The following AGO3 variants were observed in gnomAD, a reference collection of about 807,000 sequenced individuals.
The protein encoded by AGO3 is argonaute RISC catalytic component 3.
AGO3 carries 16 observed loss-of-function variants against 105.5 expected under a neutral mutation model. That is an observed-to-expected ratio of 0.15 (90% CI 0.10 to 0.23). The LOEUF is 0.23. Ranked by LOEUF, AGO3 falls within the 10% of genes least tolerant of loss-of-function variation. The pLI is 1.00. For missense variants in AGO3, 534 were observed against 1,088.0 expected, an observed-to-expected ratio of 0.49 and a Z score of 7.16; for synonymous variants, 340 against 367.3, an observed-to-expected ratio of 0.93 and a Z score of 0.85.
At chr1:36,011,621 C>CT (rs910890259) in intron 9 of AGO3, among the ~76,000 whole-genome samples, 2 of 152,146 alleles carry the variant, frequency 1.3e-5, no homozygotes, top group Non-Finnish European at 2.9e-5. Flanking sequence ...ACTTTGGAGT[C>CT]TAACAACCCT....
chr1:36,045,823 A>C (rs926839867), intron 17 of AGO3, among the ~76,000 whole-genome samples: 1 of 152,180 alleles, frequency 6.6e-6, no homozygotes, highest in Non-Finnish European at 1.5e-5. Context: ...GATTGTAGGC[A>C]TGAATCACTG....
At chr1:36,054,893 C>T (rs1285829565) in intron 17 of AGO3, 53 bp from the exon 18 acceptor site, 7 of 1,567,580 alleles carry the variant, frequency 4.5e-6, no homozygotes, top group South Asian at 1.1e-5. Context: ...AAAAACAAAA[C>T]AAAACAAAAA....
chr1:35,964,834 T>C (rs1646744070), intron 2 of AGO3, among the ~76,000 whole-genome samples: 2 of 152,202 alleles, frequency 1.3e-5, no homozygotes, highest in South Asian at 4.1e-4. Flanking sequence ...TGGCATGAGA[T>C]GGTATCTCAT....
At chr1:35,968,948 G>T (rs1490928085) in intron 3 of AGO3, among the ~76,000 whole-genome samples, 1 of 151,536 alleles carries the variant, frequency 6.6e-6, no homozygotes, top group Non-Finnish European at 1.5e-5. Context: ...CCTAATGGGC[G>T]TGAGATGATA....
intron 2 of AGO3, among the ~76,000 whole-genome samples, chr1:35,960,518 A>G (rs556505996): frequency 1.3e-5 from 2 of 152,166 alleles, no homozygotes; most frequent in Admixed American, 1.3e-4. Flanking sequence ...TTCTAAATAT[A>G]TGAATTTGGC....
Position 35,986,620 on chromosome 1 carries a change from G to A in AGO3, c.658+13109G>A, listed in dbSNP as rs556212762. Among the ~76,000 whole-genome samples, 27 of 151,922 alleles carry A rather than the reference G, an allele frequency of 1.8e-4. No homozygotes were observed. The South Asian group carries it at 2.9e-3, about 16-fold the overall frequency. On this transcript the variant is annotated intron_variant, in intron 5 of 18. Transcript: ENST00000373191. ...TGAGAATCACTTGAACCCAGGAGGT[G>A]GAGGTTGCAGTGAGCTGAGATCACA... is the stretch of plus-strand genomic sequence containing the variant.
chr1:35,971,971 A>G, intron 3 of AGO3, 53 bp from the exon 4 acceptor site: 1 of 1,490,768 alleles, frequency 6.7e-7, no homozygotes, highest in Non-Finnish European at 9.3e-7. Flanking sequence ...AATCTAAAAT[A>G]ATTGTATTTA....
intron 11 of AGO3, among the ~76,000 whole-genome samples, chr1:36,014,702 C>T (rs996731391): frequency 2.8e-5 from 4 of 141,434 alleles, no homozygotes; most frequent in Admixed American, 7.6e-5. Flanking sequence ...ACCCAGGAGG[C>T]GGAGCTTGTA....
intron 9 of AGO3, 60 bp from the exon 10 acceptor site, chr1:36,013,570 C>T (rs1221636638): frequency 6.2e-7 from 1 of 1,600,920 alleles, no homozygotes; most frequent in African/African-American, 1.3e-5. Flanking sequence ...GGTTCTAATG[C>T]ATTAAAGTAG....
chr1:35,969,245 A>G (rs1170840588), intron 3 of AGO3, among the ~76,000 whole-genome samples: 1 of 152,132 alleles, frequency 6.6e-6, no homozygotes, highest in Non-Finnish European at 1.5e-5. Flanking sequence ...AACTATATAT[A>G]TTCTGGACAT....
At chr1:35,938,085 A>G (rs151191919) in intron 1 of AGO3, among the ~76,000 whole-genome samples, 2 of 151,650 alleles carry the variant, frequency 1.3e-5, no homozygotes, top group East Asian at 3.9e-4. Context: ...GGCTCAAGCA[A>G]TTATCCTGCC....
intron 14 of AGO3, 51 bp downstream of exon 14, chr1:36,036,318 T>C: frequency 6.6e-7 from 1 of 1,519,194 alleles, no homozygotes; most frequent in South Asian, 1.2e-5. Context: ...CCAGTATCAA[T>C]TTTGCAGTTT....
intron 2 of AGO3, among the ~76,000 whole-genome samples, chr1:35,954,284 A>G (rs1646525371): frequency 6.6e-6 from 1 of 152,092 alleles, no homozygotes; most frequent in Non-Finnish European, 1.5e-5. Flanking sequence ...TACTAAGTAG[A>G]AATTAGCCTT....
At chr1:36,053,246 C>CTT (rs746106504) in intron 17 of AGO3, among the ~76,000 whole-genome samples, 1 of 145,112 alleles carries the variant, frequency 6.9e-6, no homozygotes, top group Non-Finnish European at 1.5e-5. Context: ...AACAGTTTTC[C>CTT]TTTTTTTTTT....
intron 5 of AGO3, among the ~76,000 whole-genome samples, chr1:36,000,144 T>C (rs1032468497): frequency 5.3e-5 from 8 of 152,186 alleles, no homozygotes; most frequent in African/African-American, 1.9e-4. Context: ...ATTTTTAAAA[T>C]GTTAAATGTA....
Position 35,984,762 on chromosome 1 carries a change from T to C in AGO3, c.658+11251T>C, listed in dbSNP as rs564489159. ...GAATGAATAAATAAATCCAAGAGCA[T>C]AGGAGGAGGAGCATCCAAATGAGCC... On this transcript the variant is annotated intron_variant, in intron 5 of 18. Coordinates refer to ENST00000373191, the MANE Select transcript of AGO3 (RefSeq NM_024852.4). Among the ~76,000 whole-genome samples the C allele has an allele frequency of 6.4e-4, 97 of 152,272 alleles. 1 individual carries two copies. The highest frequency in any genetic ancestry group is 2.9e-5 in the Non-Finnish European group (2 of 68,014).
intron 5 of AGO3, among the ~76,000 whole-genome samples, chr1:35,995,209 A>AAAAATATATATATATATATAT (rs1237315557): frequency 8.7e-6 from 1 of 114,790 alleles, no homozygotes; most frequent in African/African-American, 3.8e-5. Context: ...TAAAAAAAAA[A>AAAAATATATATATATATATAT]ATATATATAT....
intron 17 of AGO3, 134 bp from the exon 18 acceptor site, chr1:36,054,812 G>A (rs1280737555): frequency 9.2e-6 from 7 of 761,292 alleles, no homozygotes; most frequent in African/African-American, 8.6e-5. Flanking sequence ...AGCCCCAGAG[G>A]TGGAGGTTGC....
chr1:35,963,795 T>C (rs1242048379), intron 2 of AGO3, among the ~76,000 whole-genome samples: 2 of 152,202 alleles, frequency 1.3e-5, no homozygotes, highest in African/African-American at 4.8e-5. Flanking sequence ...TAAGAAATAC[T>C]GCAAAGACGT....
Sources: gnomAD v4.1 joint callset for allele counts (sites outside exome capture counted in the v4.1 genomes callset) on GRCh38, gnomAD v4.1.1 for gene constraint, MANE v1.5 for transcripts, NCBI Gene and HGNC (gene_info 2026-07-23, HGNC 2026-07-21) for gene names.